Variants in HDAC9 observed in about 807,000 individuals in gnomAD.
HDAC9 encodes histone deacetylase 9.
In HDAC9, 41 loss-of-function variants were observed where a neutral mutation model predicts 139.4. The ratio of observed to expected loss-of-function variants is 0.29; its 90% CI spans 0.23 to 0.38. The LOEUF (loss-of-function observed/expected upper bound fraction) is 0.38, where lower values mean the gene tolerates loss of function less well. Among genes scored for constraint, HDAC9 ranks in the 10% least tolerant of loss-of-function variants. HDAC9 has a pLI of 1.00. For synonymous variants in HDAC9, 517 were observed against 476.2 expected (o/e 1.09, Z -1.12); for missense variants, 1,147 against 1,297.0 (o/e 0.88, Z 1.78).
intron 17 of HDAC9, among the ~76,000 whole-genome samples, chr7:18,817,417 C>T (rs1794655787): frequency 6.6e-6 from 1 of 151,950 alleles, no homozygotes; most frequent in Non-Finnish European, 1.5e-5. Context: ...AAAAAAAACC[C>T]AAAGAGGGTT....
At chr7:18,266,467 G>T (rs961795587) in intron 2 of HDAC9, among the ~76,000 whole-genome samples, 25 of 152,024 alleles carry the variant, frequency 1.6e-4, no homozygotes, top group African/African-American at 6.0e-4. Flanking sequence ...TCAAACAATT[G>T]CACAAGTACC....
intron 17 of HDAC9, among the ~76,000 whole-genome samples, chr7:18,816,452 G>T (rs1427116272): frequency 1.3e-5 from 2 of 152,188 alleles, no homozygotes; most frequent in Non-Finnish European, 2.9e-5. Context: ...TTGAATAAAT[G>T]ATGAACTGTA....
At chr7:18,287,891 G>A (rs1214826628), upstream of HDAC9, among the ~76,000 whole-genome samples, 1 of 152,212 alleles carries the variant, frequency 6.6e-6, no homozygotes, top group Non-Finnish European at 1.5e-5. Flanking sequence ...GGACCCGGAA[G>A]TTGTGTCCTG....
chr7:18,376,905 C>A (rs1160365509), intron 1 of HDAC9, among the ~76,000 whole-genome samples: 1 of 152,024 alleles, frequency 6.6e-6, no homozygotes, highest in Non-Finnish European at 1.5e-5. Flanking sequence ...AGGTGCTATA[C>A]CATCCAGTTT....
chr7:18,510,548 A>G (rs1586499217), intron 2 of HDAC9, among the ~76,000 whole-genome samples: 1 of 152,166 alleles, frequency 6.6e-6, no homozygotes, highest in Non-Finnish European at 1.5e-5. Flanking sequence ...TAATAATAAT[A>G]TCAATTGGAA....
chr7:18,498,655 G>A (rs1392039872), intron 2 of HDAC9, among the ~76,000 whole-genome samples: 1 of 152,072 alleles, frequency 6.6e-6, no homozygotes, highest in Non-Finnish European at 1.5e-5. Flanking sequence ...GTGCAAAGGA[G>A]TGGAGAGAGC....
chr7:18,443,431 C>A (rs923153935), intron 1 of HDAC9, among the ~76,000 whole-genome samples: 4 of 152,060 alleles, frequency 2.6e-5, no homozygotes, highest in African/African-American at 9.7e-5. Context: ...GAAGAACACA[C>A]ATGCACCTCA....
chr7:18,392,311 TCTCTCACACACA>T (rs753900409), intron 1 of HDAC9, among the ~76,000 whole-genome samples: 1 of 124,520 alleles, frequency 8.0e-6, no homozygotes, highest in Non-Finnish European at 1.7e-5. Context: ...TCTCTCTCTC[TCTCTCACACACA>T]CACACACACA....
At chr7:18,599,752 C>T (rs1259525360) in intron 6 of HDAC9, among the ~76,000 whole-genome samples, 1 of 152,160 alleles carries the variant, frequency 6.6e-6, no homozygotes, top group East Asian at 1.9e-4. Context: ...TATAAGCATT[C>T]ATATGCAGTC....
chr7:18,792,744 C>T (rs1191580627), intron 16 of HDAC9, among the ~76,000 whole-genome samples: 1 of 152,130 alleles, frequency 6.6e-6, no homozygotes, highest in Non-Finnish European at 1.5e-5. Context: ...CACATTTCTC[C>T]TTGCAATTTG....
chr7:18,710,928 C>T (rs944988403), intron 12 of HDAC9, among the ~76,000 whole-genome samples: 1 of 152,146 alleles, frequency 6.6e-6, no homozygotes, highest in African/African-American at 2.4e-5. Context: ...AACTAACAGT[C>T]ACAAAGGATA....
At chr7:18,783,292 C>T (rs970745710) in intron 16 of HDAC9, among the ~76,000 whole-genome samples, 6 of 152,012 alleles carry the variant, frequency 3.9e-5, no homozygotes, top group Admixed American at 3.9e-4. Context: ...AAACAGTTTG[C>T]AAAGAAAAGC....
intron 12 of HDAC9, among the ~76,000 whole-genome samples, chr7:18,682,365 T>C (rs144188375): frequency 2.0e-3 from 307 of 152,186 alleles, no homozygotes; most frequent in Middle Eastern, 3.4e-3. Flanking sequence ...TTTATAGTTC[T>C]TTGTGTATGA....
chr7:18,980,486 T>C (rs1784832060), intron 25 of HDAC9, among the ~76,000 whole-genome samples: 1 of 152,130 alleles, frequency 6.6e-6, no homozygotes, highest in Non-Finnish European at 1.5e-5. Flanking sequence ...ATTTTCCTCA[T>C]CTTTAAAATG....
chr7:18,351,255 G>A (rs1011635284), intron 1 of HDAC9, among the ~76,000 whole-genome samples: 1 of 151,910 alleles, frequency 6.6e-6, no homozygotes, highest in African/African-American at 2.4e-5. Context: ...TTTATTTATC[G>A]TTGTAAGATA....
intron 1 of HDAC9, among the ~76,000 whole-genome samples, chr7:18,140,049 C>A (rs1562665373): frequency 6.6e-6 from 1 of 152,168 alleles, no homozygotes; most frequent in Non-Finnish European, 1.5e-5. Flanking sequence ...ATGAATACAA[C>A]ACTGTGGAGA....
At chr7:18,877,413 A>G (rs888519919) in intron 22 of HDAC9, among the ~76,000 whole-genome samples, 1 of 152,142 alleles carries the variant, frequency 6.6e-6, no homozygotes, top group Admixed American at 6.6e-5. Flanking sequence ...TGATCCCAAA[A>G]CGAAGTTAGA....
intron 24 of HDAC9, among the ~76,000 whole-genome samples, chr7:18,962,831 TC>T (rs1019728227): frequency 6.6e-6 from 1 of 152,212 alleles, no homozygotes; most frequent in African/African-American, 2.4e-5. Context: ...AATACACAGT[TC>T]TTTCCTCATT....
intron 2 of HDAC9, among the ~76,000 whole-genome samples, chr7:18,564,319 C>T (rs1379007585): frequency 6.6e-6 from 1 of 151,914 alleles, no homozygotes; most frequent in Non-Finnish European, 1.5e-5. Context: ...GTAGTACTAA[C>T]CCAGTAAGAG....
Sources: gnomAD v4.1 joint callset for allele counts (sites outside exome capture counted in the v4.1 genomes callset) on GRCh38, gnomAD v4.1.1 for gene constraint, MANE v1.5 for transcripts, NCBI Gene and HGNC (gene_info 2026-07-23, HGNC 2026-07-21) for gene names.